Variants in NXF1 observed in about 807,000 individuals in gnomAD.
NXF1 encodes the protein mRNA export factor TAP.
A neutral mutation model predicts 92.4 loss-of-function variants in NXF1; 43 were observed. The ratio of observed to expected loss-of-function variants is 0.47; its 90% CI spans 0.36 to 0.60. The LOEUF is 0.60. NXF1 is among the 20% of genes least tolerant of loss of function. The probability of loss-of-function intolerance (pLI) is 0.00; values close to 1 mark genes in which losing one functional copy is unlikely to be tolerated. For synonymous variants in NXF1, 288 were observed against 292.2 expected (o/e 0.99, Z 0.15); for missense variants, 576 against 793.0 (o/e 0.73, Z 3.29).
chr11:62,804,707 C>T (rs1190232263), intron 1 of NXF1, among the ~76,000 whole-genome samples: 2 of 152,204 alleles, frequency 1.3e-5, no homozygotes, highest in Non-Finnish European at 2.9e-5. Flanking sequence ...TTCTCCAGTG[C>T]CGGCCACTAT....
In NXF1 at chr11:62,803,546, C is replaced by T. The variant is rs1256598140; in HGVS notation, c.242G>A (p.Arg81His). Residue 81 changes from arginine to histidine, a missense_variant, in exon 3 of 21, where the codon CGT becomes CAT. This residue lies in a region of NXF1 where 151 missense variants were observed against 157.8 expected (regional missense o/e 0.96). Coordinates refer to ENST00000294172, the MANE Select transcript of NXF1 (RefSeq NM_006362.5). The stretch of plus-strand genomic sequence containing the variant: ...TCGATCATGCCAAGTATCACCCCGA[C>T]GGTTAGGTCGGGTGGTATAGGGGTT... ...RYNPYTTRPN[R>H]RGDTWHDRDR... 2.5e-6 allele frequency: 4 copies of T among 1,614,048 alleles called. No homozygotes were observed. Among genetic ancestry groups the T allele is most frequent in the Non-Finnish European group, 3.4e-6 (4 of 1,180,030 alleles).
At chr11:62,799,207 G>T (rs765562764) in intron 10 of NXF1, 1 of 985,810 alleles carries the variant, frequency 1.0e-6, no homozygotes, top group East Asian at 1.1e-4. Flanking sequence ...AGGCAAAAAA[G>T]CATCTAGAAA....
intron 17 of NXF1, 39 bp downstream of exon 17, chr11:62,795,861 TG>T: frequency 1.3e-6 from 2 of 1,591,316 alleles, no homozygotes; most frequent in Non-Finnish European, 1.7e-6. Flanking sequence ...CAGCTGGGGG[TG>T]GGACCACGCT....
chr11:62,804,636 C>T (rs2134784050), intron 1 of NXF1, among the ~76,000 whole-genome samples: 1 of 152,276 alleles, frequency 6.6e-6, no homozygotes, highest in South Asian at 2.1e-4. Context: ...AACAATGAAT[C>T]TCAACAAATG....
rs367658652 is a variant in NXF1, at chr11:62,795,002, C to T, written c.1510G>A (p.Gly504Arg). 19 of 1,614,064 alleles carry T rather than the reference C, an allele frequency of 1.2e-5. No homozygotes were observed. The highest frequency in any genetic ancestry group is 1.4e-5 in the Non-Finnish European group (16 of 1,179,918). ...GCTCGCAAAGAATCCCGGGACTTTC[C>T]GTCCACTGCAATAAGAACAGCAACA... ...SVNGVFKEVDGKSRDSLRAFT... is the reference protein window; with the variant it reads ...SVNGVFKEVDRKSRDSLRAFT... The change falls in exon 18 of 21, where the codon GGA becomes AGA. Residue 504 changes from glycine to arginine, a missense_variant. Physicochemically the swap from Gly to Arg is moderately radical, Grantham distance 125. Around this residue, in one of 2 missense-constraint regions of NXF1, gnomAD observed 425 missense variants for 635.2 expected, o/e 0.67. Transcript: ENST00000294172.
Position 62,796,066 on chromosome 11 carries a change from T to C in NXF1, c.1461A>G (p.Thr487=), listed in dbSNP as rs765635210. ...CTGTCAGGCGCAAGCAGGAGCTTAC[T>C]GTCTGGGCGCTTATGTCTACCACGA... ...NSFVVDISAQ[T]STLLCFSVNG... The change falls in exon 16 of 21, where the codon ACA becomes ACG. Residue 487 remains threonine, a splice_region_variant and synonymous_variant. Coordinates refer to ENST00000294172, the MANE Select transcript of NXF1 (RefSeq NM_006362.5). The C allele has an allele frequency of 3.7e-6, 6 of 1,608,794 alleles. No homozygotes were observed. In the African/African-American group the frequency reaches 4.0e-5, roughly 11 times the overall value.
intron 3 of NXF1, among the ~76,000 whole-genome samples, chr11:62,802,468 A>T (rs1471169302): frequency 6.6e-6 from 1 of 152,008 alleles, no homozygotes; most frequent in Non-Finnish European, 1.5e-5. Flanking sequence ...ACAGGGCCTC[A>T]CTCTGTCACT....
rs1381641356 is a variant in NXF1 at position 62,802,253 on chromosome 11, T to C, written c.377A>G (p.Tyr126Cys). The stretch of plus-strand genomic sequence containing the variant: ...CCATGCCTTGTCATACTTTCTGCCA[T>C]AAGGAATCTAGAAATGAGAGAAAGA... The part of the protein sequence containing the change: ...SKNWFKITIP[Y>C]GRKYDKAWLL... Residue 126 changes from tyrosine (Y) to cysteine (C), a missense_variant, in exon 4 of 21, where the codon TAT becomes TGT. This residue lies in a region of NXF1 where 425 missense variants were observed against 635.2 expected (regional missense o/e 0.67). Transcript: ENST00000294172. The C allele has an allele frequency of 6.2e-7, 1 of 1,613,882 alleles. No individual in the cohort carries two copies. Among genetic ancestry groups the C allele is most frequent in the Non-Finnish European group, 8.5e-7 (1 of 1,179,784 alleles).
At chr11:62,797,089 CAAAA>C (rs989728591) in intron 13 of NXF1, 90 bp downstream of exon 13, 8 of 825,444 alleles carry the variant, frequency 9.7e-6, no homozygotes, top group African/African-American at 5.5e-5. Context: ...AAAAACAAAA[CAAAA>C]AACAAAACAA....
intron 10 of NXF1, 171 bp from the exon 11 acceptor site, chr11:62,798,746 C>T (rs942324981): frequency 8.4e-6 from 12 of 1,421,174 alleles, no homozygotes; most frequent in Middle Eastern, 2.5e-4. Flanking sequence ...CCACCTGACC[C>T]GGGGCACCCA....
intron 10 of NXF1, 30 bp from the exon 11 acceptor site, chr11:62,798,605 G>A: frequency 6.2e-7 from 1 of 1,613,584 alleles, no homozygotes; most frequent in South Asian, 1.1e-5. Flanking sequence ...AGTGAGTGAT[G>A]CTTCAGAGCC....
chr11:62,800,716 C>T (rs1384629960), intron 9 of NXF1, among the ~76,000 whole-genome samples: 1 of 151,960 alleles, frequency 6.6e-6, no homozygotes, highest in Non-Finnish European at 1.5e-5. Context: ...GATCCTCCCA[C>T]CTCAGACTCC....
chr11:62,805,419 C>CCCAAGCGCTCAG lies in NXF1; in HGVS notation c.-75_-64dup. 6.2e-7 allele frequency: 1 copy of CCCAAGCGCTCAG among 1,604,798 alleles called. No homozygotes were observed. The highest frequency in any genetic ancestry group is 8.5e-7 in the Non-Finnish European group (1 of 1,175,946). ...CGCTACGCCGGCAAACAACCTAACT[C>CCCAAGCGCTCAG]CCAAGCGCTCAGGACCGAAGTGTCC... On this transcript the variant is annotated 5_prime_UTR_variant, in exon 1 of 21. Transcript: ENST00000294172.
At chr11:62,795,807 G>T in intron 17 of NXF1, 94 bp downstream of exon 17, 3 of 1,224,346 alleles carry the variant, frequency 2.5e-6, no homozygotes, top group Non-Finnish European at 2.4e-6. Context: ...AAAAGAAAAT[G>T]GGAGAGAAAG....
At position 62,800,400 on chromosome 11, in the gene NXF1, G is replaced by C. The variant is rs1419653158; in HGVS notation, c.993C>G (p.Phe331Leu). 6.2e-7 allele frequency: 1 copy of C among 1,614,028 alleles called. No individual in the cohort carries two copies. Among genetic ancestry groups the C allele is most frequent in the South Asian group, 1.1e-5 (1 of 91,076 alleles). The change falls in exon 10 of 21, where the codon TTC (phenylalanine) becomes TTG (leucine). Residue 331 changes from phenylalanine to leucine, a missense_variant. Coordinates refer to ENST00000294172, the MANE Select transcript of NXF1 (RefSeq NM_006362.5). ...WLDGNSLCDT[F>L]RDQSTYISAI... is the part of the protein sequence containing the mutation. ...ACCTGATGTAGGTGGACTGGTCTCG[G>C]AAGGTGTCACACAGGGAGTTTCCAT...
intron 18 of NXF1, 72 bp from the exon 19 acceptor site, chr11:62,794,512 G>C: frequency 7.3e-7 from 1 of 1,374,654 alleles, no homozygotes; most frequent in Admixed American, 1.9e-5. Context: ...CCTATTCTCT[G>C]ATTCTTTCAA....
chr11:62,798,407 C>G lies in NXF1; in HGVS notation c.1053+132G>C, dbSNP rs2084442911. The G allele has an allele frequency of 3.0e-6, 4 of 1,354,684 alleles. No individual in the cohort carries two copies. In the Admixed American group the frequency reaches 1.1e-4, roughly 39 times the overall value. 83.9% of individuals were successfully genotyped at this position (1,354,684 alleles called of 1,614,324 possible). A position where few individuals can be genotyped will look rare whatever the true frequency, so the allele number is the denominator to read the frequency against. Reference sequence around the variant, plus strand: ...TGAAATCATGCTGTTGCACTCCAGCCTGGGCGACGAGTGAAACTCCGTCTC... The same window carrying G: ...TGAAATCATGCTGTTGCACTCCAGCGTGGGCGACGAGTGAAACTCCGTCTC... On this transcript the variant is annotated intron_variant, in intron 11 of 20. Coordinates refer to ENST00000294172, the MANE Select transcript of NXF1 (RefSeq NM_006362.5).
At position 62,797,362 on chromosome 11, in the gene NXF1, T is replaced by C; in HGVS notation, c.1078A>G (p.Ile360Val). 1 of 1,613,606 alleles carries C rather than the reference T, an allele frequency of 6.2e-7. No individual in the cohort carries two copies. The highest frequency in any genetic ancestry group is 8.5e-7 in the Non-Finnish European group (1 of 1,179,946). The change falls in exon 12 of 21, where the codon ATT becomes GTT. Residue 360 changes from isoleucine (I) to valine (V), a missense_variant. Ile to Val is a conservative substitution (Grantham distance 29). Around this residue, in one of 2 missense-constraint regions of NXF1, gnomAD observed 425 missense variants for 635.2 expected, o/e 0.67. Coordinates refer to ENST00000294172, the MANE Select transcript of NXF1 (RefSeq NM_006362.5). ...GTGGGGGCTTCAACATCAAAGGCAA[T>C]TGGTGGGGGTAGCTCATGGCCATCC... is the stretch of plus-strand genomic sequence containing the variant. ...RLDGHELPPPIAFDVEAPTTL... is the reference protein window; with the variant it reads ...RLDGHELPPPVAFDVEAPTTL...
chr11:62,800,882 A>C (rs1383981314), intron 9 of NXF1, among the ~76,000 whole-genome samples: 1 of 152,040 alleles, frequency 6.6e-6, no homozygotes, highest in African/African-American at 2.4e-5. Context: ...CAATCCTCCC[A>C]CCTCAGCCCC....
Sources: allele counts gnomAD v4.1 joint callset (sites outside exome capture counted in the v4.1 genomes callset), GRCh38; gene constraint gnomAD v4.1.1; regional missense constraint gnomAD v4.1.1; transcripts MANE v1.5; gene names NCBI Gene and HGNC (gene_info 2026-07-23, HGNC 2026-07-21).